The following LRIG2 variants were observed in gnomAD, a reference collection of about 807,000 sequenced individuals.
LRIG2 encodes leucine rich repeats and immunoglobulin like domains 2, also known as leucine-rich repeats and immunoglobulin-like domains protein 2.
A neutral mutation model predicts 107.8 loss-of-function variants in LRIG2; 93 were observed. The ratio of observed to expected loss-of-function variants is 0.86; its 90% CI spans 0.73 to 1.03. The LOEUF (loss-of-function observed/expected upper bound fraction) is 1.03. Ranked by LOEUF, LRIG2 falls within the 50% of genes least tolerant of loss-of-function variation. The pLI is 0.00. For synonymous variants in LRIG2, 471 were observed against 470.6 expected, an observed-to-expected ratio of 1.00 and a Z score of -0.01; for missense variants, 1,226 against 1,296.0, an observed-to-expected ratio of 0.95 and a Z score of 0.83.
intron 1 of LRIG2, among the ~76,000 whole-genome samples, chr1:113,080,044 C>T (rs1366442898): frequency 2.0e-5 from 2 of 100,336 alleles, no homozygotes; most frequent in African/African-American, 3.8e-5. Flanking sequence ...TTTTTTGAGA[C>T]GGAATCTTGC....
intron 16 of LRIG2, 73 bp from the exon 17 acceptor site, chr1:113,119,160 T>G (rs1655135397): frequency 1.4e-6 from 2 of 1,432,890 alleles, no homozygotes; most frequent in Non-Finnish European, 1.9e-6. Flanking sequence ...TGACAACTTT[T>G]GAAGAAAACT....
intron 13 of LRIG2, 135 bp from the exon 14 acceptor site, chr1:113,112,344 C>G (rs980216303): frequency 5.2e-6 from 4 of 776,488 alleles, no homozygotes; most frequent in African/African-American, 1.7e-5. Context: ...CACTCTCAAT[C>G]AGAGAGCCTG....
chr1:113,113,751 C>T (rs1050013722), intron 14 of LRIG2, among the ~76,000 whole-genome samples: 2 of 151,582 alleles, frequency 1.3e-5, no homozygotes, highest in African/African-American at 2.4e-5. Context: ...TTTTTAGAGA[C>T]GGGGTTTCAC....
chr1:113,116,022 C>G (rs1423590279), intron 15 of LRIG2, among the ~76,000 whole-genome samples: 1 of 152,120 alleles, frequency 6.6e-6, no homozygotes, highest in East Asian at 1.9e-4. Context: ...GAAAAGAAAT[C>G]TAGGCAGATA....
chr1:113,113,572 ATTTATTTT>A (rs1482421447), intron 14 of LRIG2, among the ~76,000 whole-genome samples: 3 of 102,896 alleles, frequency 2.9e-5, no homozygotes, highest in Non-Finnish European at 6.7e-5. Context: ...TTATTTATTT[ATTTATTTT>A]GAGACGGAGT....
rs1226277146 is a variant in LRIG2 at position 113,107,306 on chromosome 1, A to AT, written c.1314-279dup. On this transcript the variant is annotated intron_variant, in intron 11 of 17. Transcript: ENST00000361127. The stretch of plus-strand genomic sequence containing the variant: ...CAATGTTAAAAAAAGTCATTTGCAG[A>AT]TTTTTTTTTCAATCAAGGATCACAC... 6.6e-5 allele frequency among the ~76,000 whole-genome samples: 10 copies of AT among 151,862 alleles called. No homozygotes were observed. The East Asian group carries it at 9.7e-4, about 15-fold the overall frequency.
chr1:113,073,551 T>TG lies in LRIG2; in HGVS notation c.146dup (p.Cys49TrpfsTer37). On this transcript the variant is annotated frameshift_variant, in exon 1 of 18. Coordinates refer to ENST00000361127, the MANE Select transcript of LRIG2 (RefSeq NM_014813.3). LOFTEE classifies it high-confidence loss of function. ...AGGTCTCTGCCCCGCGCCCTGCTCC[T>TG]GCCGCATTCCTCTCCTGGACTGCAG... 6.2e-7 allele frequency: 1 copy of TG among 1,614,116 alleles called. No individual in the cohort carries two copies. The highest frequency in any genetic ancestry group is 1.1e-5 in the South Asian group (1 of 91,082).
intron 1 of LRIG2, among the ~76,000 whole-genome samples, chr1:113,084,231 T>TC (rs1271868321): frequency 2.0e-5 from 3 of 148,276 alleles, no homozygotes; most frequent in Non-Finnish European, 4.5e-5. Flanking sequence ...TTTTTTTTTT[T>TC]CTGAGACAGA....
chr1:113,093,344 G>C (rs960479583), intron 3 of LRIG2, 64 bp downstream of exon 3: 1 of 1,549,156 alleles, frequency 6.5e-7, no homozygotes, highest in African/African-American at 1.4e-5. Flanking sequence ...TTTTTTTAAA[G>C]CACATATATT....
chr1:113,083,679 G>A (rs112692969), intron 1 of LRIG2, among the ~76,000 whole-genome samples: 2,609 of 151,750 alleles, frequency 0.017, 67 homozygotes, highest in African/African-American at 0.06. Context: ...GATCTCATGT[G>A]AACTCAGAAC....
intron 1 of LRIG2, among the ~76,000 whole-genome samples, chr1:113,077,694 C>G (rs1653049256): frequency 6.6e-6 from 1 of 152,090 alleles, no homozygotes; most frequent in South Asian, 2.1e-4. Context: ...GCTTCAACCT[C>G]TGTAGCTATT....
chr1:113,094,090 A>G (rs563932495), intron 4 of LRIG2, among the ~76,000 whole-genome samples: 6 of 152,372 alleles, frequency 3.9e-5, no homozygotes, highest in African/African-American at 1.4e-4. Context: ...AATGATAATT[A>G]GCATGTGTGC....
chr1:113,099,898 GA>G (rs1016501763), intron 9 of LRIG2, among the ~76,000 whole-genome samples: 1 of 152,172 alleles, frequency 6.6e-6, no homozygotes, highest in African/African-American at 2.4e-5. Flanking sequence ...TTTAACATCT[GA>G]AAATTACCAG....
In LRIG2 at chr1:113,127,730, A is replaced by G. The variant is rs563489258; in HGVS notation, c.*3629A>G. On this transcript the variant is annotated 3_prime_UTR_variant, in exon 18 of 18. Transcript: ENST00000361127. ...CAGGCATGCACCACCATGCCCGGCT[A>G]ATTTTATTTGTATTTTTAGTAGAGA... 1 of 147,584 alleles carries G rather than the reference A, an allele frequency of 6.8e-6. No homozygotes were observed. The highest frequency in any genetic ancestry group is 2.1e-4 in the East Asian group (1 of 4,848). 9.1% of individuals were successfully genotyped at this position (147,584 alleles called of 1,614,324 possible). A position where few individuals can be genotyped will look rare whatever the true frequency, so the allele number is the denominator to read the frequency against.
chr1:113,097,525 T>C (rs1201367153), intron 8 of LRIG2, among the ~76,000 whole-genome samples: 2 of 152,244 alleles, frequency 1.3e-5, no homozygotes, highest in African/African-American at 4.8e-5. Flanking sequence ...GTATTTTTCC[T>C]TTTCCTATAT....
At chr1:113,076,187 G>T (rs1652976297) in intron 1 of LRIG2, among the ~76,000 whole-genome samples, 1 of 151,654 alleles carries the variant, frequency 6.6e-6, no homozygotes, top group Admixed American at 6.6e-5. Context: ...TGTATTTTCA[G>T]TAGAGACGGG....
chr1:113,101,939 A>G (rs1654323818), intron 11 of LRIG2, among the ~76,000 whole-genome samples: 1 of 152,230 alleles, frequency 6.6e-6, no homozygotes, highest in Admixed American at 6.5e-5. Context: ...AGGAAGATAA[A>G]TAATAGACCA....
chr1:113,103,151 T>C (rs1286353147), intron 11 of LRIG2: 1 of 152,098 alleles, frequency 6.6e-6, no homozygotes, highest in East Asian at 1.9e-4. Flanking sequence ...AATTTGAGAG[T>C]TGTCACAAAG....
intron 1 of LRIG2, among the ~76,000 whole-genome samples, chr1:113,084,106 A>T (rs1653427082): frequency 6.6e-6 from 1 of 150,566 alleles, no homozygotes; most frequent in South Asian, 2.1e-4. Context: ...TATCAATATT[A>T]ATCTTCCCTA....
Sources: gnomAD v4.1 joint callset for allele counts (sites outside exome capture counted in the v4.1 genomes callset) on GRCh38, gnomAD v4.1.1 for gene constraint, MANE v1.5 for transcripts, NCBI Gene and HGNC (gene_info 2026-07-23, HGNC 2026-07-21) for gene names.